ARHGAP26: variants seen among roughly 807,000 people sequenced by gnomAD.
The protein encoded by ARHGAP26 is Rho GTPase activating protein 26.
ARHGAP26 carries 38 observed loss-of-function variants against 104.8 expected under a neutral mutation model. That is an observed-to-expected ratio of 0.36 (90% CI 0.28 to 0.48). The LOEUF (loss-of-function observed/expected upper bound fraction) is 0.48. ARHGAP26 is among the 20% of genes least tolerant of loss of function. The pLI, the probability that ARHGAP26 is intolerant of heterozygous loss-of-function variation, is 0.99. For synonymous variants in ARHGAP26, 341 were observed against 340.0 expected (o/e 1.00, Z -0.03); for missense variants, 704 against 947.9 (o/e 0.74, Z 3.38).
At chr5:142,972,789 C>G (rs547018216) in intron 11 of ARHGAP26, among the ~76,000 whole-genome samples, 2 of 152,130 alleles carry the variant, frequency 1.3e-5, no homozygotes, top group African/African-American at 4.8e-5. Flanking sequence ...ACCTCTACAC[C>G]TCATCATTTC....
intron 20 of ARHGAP26, among the ~76,000 whole-genome samples, chr5:143,187,902 A>G (rs910675521): frequency 1.3e-5 from 2 of 152,156 alleles, no homozygotes; most frequent in East Asian, 3.9e-4. Flanking sequence ...TGCTCTTGAC[A>G]CTGATTGTCC....
At chr5:143,181,818 C>T (rs1444721403) in intron 20 of ARHGAP26, among the ~76,000 whole-genome samples, 1 of 152,164 alleles carries the variant, frequency 6.6e-6, no homozygotes, top group Non-Finnish European at 1.5e-5. Flanking sequence ...ACAGGTTTAG[C>T]AATGCCTCCG....
At chr5:142,843,097 G>C (rs1013924022) in intron 1 of ARHGAP26, among the ~76,000 whole-genome samples, 4 of 152,136 alleles carry the variant, frequency 2.6e-5, no homozygotes, top group African/African-American at 9.6e-5. Flanking sequence ...TTATTTTCTG[G>C]GTTGCTTTCT....
chr5:143,103,518 A>G (rs1793558249), intron 17 of ARHGAP26, among the ~76,000 whole-genome samples: 2 of 152,172 alleles, frequency 1.3e-5, no homozygotes, highest in Admixed American at 1.3e-4. Flanking sequence ...AGCACTGTTC[A>G]CAATAGCAAA....
chr5:142,809,133 TAG>T (rs574533222), intron 1 of ARHGAP26, among the ~76,000 whole-genome samples: 20 of 152,230 alleles, frequency 1.3e-4, no homozygotes, highest in Non-Finnish European at 2.9e-4. Flanking sequence ...TTTTATACTG[TAG>T]AAATGTTGAA....
At chr5:142,970,145 A>C (rs975354250) in intron 11 of ARHGAP26, among the ~76,000 whole-genome samples, 2 of 152,198 alleles carry the variant, frequency 1.3e-5, no homozygotes, top group Non-Finnish European at 2.9e-5. Flanking sequence ...GTTGTAGGAA[A>C]ATTCCCACTG....
chr5:143,096,077 G>A (rs1029935419), intron 17 of ARHGAP26, among the ~76,000 whole-genome samples: 6 of 152,132 alleles, frequency 3.9e-5, no homozygotes, highest in Non-Finnish European at 7.3e-5. Flanking sequence ...TTAGTGAATT[G>A]TTCACATGCA....
At chr5:143,210,548 G>A (rs576435485) in intron 21 of ARHGAP26, among the ~76,000 whole-genome samples, 1 of 152,268 alleles carries the variant, frequency 6.6e-6, no homozygotes, top group East Asian at 1.9e-4. Flanking sequence ...GGGTGCTGGA[G>A]ACACATTCCC....
chr5:143,021,626 C>T (rs1484979185), intron 12 of ARHGAP26, among the ~76,000 whole-genome samples: 1 of 151,974 alleles, frequency 6.6e-6, no homozygotes, highest in Non-Finnish European at 1.5e-5. Context: ...GTGCGCCTCT[C>T]TAAGCTTCCA....
rs539497430 is a variant in ARHGAP26 at position 142,793,515 on chromosome 5, G to T, written c.154+22600G>T. Among the ~76,000 whole-genome samples the T allele has an allele frequency of 2.0e-5, 3 of 152,132 alleles. No homozygotes were observed. The South Asian group carries it at 6.2e-4, about 32-fold the overall frequency. ...GTCTCAGTATGGACATGGAGTATTG[G>T]TGAGGAGCTTTGCTGACAGTGAAGG... On this transcript the variant is annotated intron_variant, in intron 1 of 22. Coordinates refer to ENST00000645722, the MANE Select transcript of ARHGAP26 (RefSeq NM_001135608.3).
At chr5:143,140,076 T>A (rs888700906) in intron 19 of ARHGAP26, among the ~76,000 whole-genome samples, 1 of 152,232 alleles carries the variant, frequency 6.6e-6, no homozygotes, top group Non-Finnish European at 1.5e-5. Flanking sequence ...GTAGGGAGCT[T>A]GTTAAAAATA....
intron 9 of ARHGAP26, among the ~76,000 whole-genome samples, chr5:142,912,232 A>T (rs1761929063): frequency 6.6e-6 from 1 of 152,252 alleles, no homozygotes; most frequent in Non-Finnish European, 1.5e-5. Flanking sequence ...AACAATAAAG[A>T]GAAATAAGCC....
chr5:142,886,557 C>T (rs928229618), intron 5 of ARHGAP26, among the ~76,000 whole-genome samples: 3 of 152,106 alleles, frequency 2.0e-5, no homozygotes, highest in Admixed American at 6.5e-5. Flanking sequence ...CAATAAACAG[C>T]ATTGACTATT....
At chr5:142,991,335 G>A (rs766028713) in intron 11 of ARHGAP26, among the ~76,000 whole-genome samples, 2 of 152,184 alleles carry the variant, frequency 1.3e-5, no homozygotes, top group Non-Finnish European at 2.9e-5. Context: ...GGGTGGGAGT[G>A]TCTCGATTTT....
chr5:143,197,416 A>G (rs1303186247), intron 20 of ARHGAP26, among the ~76,000 whole-genome samples: 1 of 151,074 alleles, frequency 6.6e-6, no homozygotes, highest in African/African-American at 2.5e-5. Flanking sequence ...GATGTTAGCT[A>G]TTTAGTCATT....
chr5:143,126,554 G>A (rs1283254605), intron 18 of ARHGAP26, among the ~76,000 whole-genome samples: 1 of 152,184 alleles, frequency 6.6e-6, no homozygotes, highest in African/African-American at 2.4e-5. Context: ...TAACCATACT[G>A]TTCTAAACTT....
intron 7 of ARHGAP26, 50 bp from the exon 8 acceptor site, chr5:142,903,490 A>G (rs35292): frequency 0.018 from 29,397 of 1,589,356 alleles, 331 homozygotes; most frequent in Admixed American, 0.033. Flanking sequence ...CTGGATTGTT[A>G]AAACAGATAC....
chr5:143,050,268 G>GT (rs1260634155), intron 14 of ARHGAP26, among the ~76,000 whole-genome samples: 1 of 151,788 alleles, frequency 6.6e-6, no homozygotes, highest in Non-Finnish European at 1.5e-5. Flanking sequence ...TTTTTTGTGT[G>GT]TTTTTACCAT....
chr5:142,931,518 T>G (rs1490633927), intron 10 of ARHGAP26, among the ~76,000 whole-genome samples: 2 of 152,206 alleles, frequency 1.3e-5, no homozygotes, highest in African/African-American at 4.8e-5. Flanking sequence ...TGTGCACATT[T>G]AATCATAACT....
Sources: gnomAD v4.1 joint callset for allele counts (sites outside exome capture counted in the v4.1 genomes callset) on GRCh38, gnomAD v4.1.1 for gene constraint, MANE v1.5 for transcripts, NCBI Gene and HGNC (gene_info 2026-07-23, HGNC 2026-07-21) for gene names.